IMMP2L: variants seen among roughly 807,000 people sequenced by gnomAD.
The protein encoded by IMMP2L is mitochondrial inner membrane protease subunit 2.
A neutral mutation model predicts 19.3 loss-of-function variants in IMMP2L; 18 were observed. That is an observed-to-expected ratio of 0.93 (90% CI 0.64 to 1.38). The LOEUF is 1.38. Among genes scored for constraint, IMMP2L ranks in the 40% most tolerant of loss-of-function variants. The probability of loss-of-function intolerance (pLI) is 0.00; values close to 1 mark genes in which losing one functional copy is unlikely to be tolerated. For missense variants in IMMP2L, 233 were observed against 218.2 expected (o/e 1.07, Z -0.43); for synonymous variants, 76 against 73.0 (o/e 1.04, Z -0.21).
At chr7:110,800,013 T>C (rs1013527916) in intron 5 of IMMP2L, among the ~76,000 whole-genome samples, 1 of 152,092 alleles carries the variant, frequency 6.6e-6, no homozygotes, top group African/African-American at 2.4e-5. Flanking sequence ...CTTAAAGATT[T>C]GCTAAAATAT....
intron 3 of IMMP2L, among the ~76,000 whole-genome samples, chr7:111,085,796 T>A (rs545147061): frequency 5.6e-4 from 85 of 152,288 alleles, no homozygotes; most frequent in South Asian, 2.7e-3. Context: ...CAAGGAATAC[T>A]ATGCAGCCAT....
intron 1 of IMMP2L, among the ~76,000 whole-genome samples, chr7:111,533,627 T>G (rs573605798): frequency 6.6e-6 from 1 of 152,148 alleles, no homozygotes; most frequent in African/African-American, 2.4e-5. Context: ...ACAAGTTATG[T>G]TGAAACAATT....
intron 1 of IMMP2L, among the ~76,000 whole-genome samples, chr7:111,531,894 G>A (rs981765442): frequency 6.6e-6 from 1 of 151,908 alleles, no homozygotes; most frequent in East Asian, 1.9e-4. Flanking sequence ...ACCAGCATCA[G>A]GAATACTTAC....
chr7:111,377,281 G>A (rs551600819), intron 3 of IMMP2L, among the ~76,000 whole-genome samples: 12 of 151,582 alleles, frequency 7.9e-5, no homozygotes, highest in Admixed American at 1.3e-4. Flanking sequence ...GTGTGTATGC[G>A]TTCATATATA....
At chr7:111,439,643 T>G (rs35007688) in intron 3 of IMMP2L, among the ~76,000 whole-genome samples, 5,112 of 152,080 alleles carry the variant, frequency 0.034, 162 homozygotes, top group Non-Finnish European at 0.05. Context: ...GCTGTGGAAG[T>G]GTCTTGCCTC....
Position 111,213,302 on chromosome 7 carries a change from T to C in IMMP2L, c.240-249737A>G, listed in dbSNP as rs1445517764. ...CCAGCACCCTGCTGCCTCAGCCCCC[T>C]CCAGGCTTTGGGTGCCAATGAGCAT... On this transcript the variant is annotated intron_variant, in intron 3 of 5. Transcript: ENST00000405709. The surrounding 1 kb of genome is among the most constrained non-coding windows in gnomAD (Gnocchi z 4.8). Among the ~76,000 whole-genome samples, 1 of 152,168 alleles carries C rather than the reference T, an allele frequency of 6.6e-6. No homozygotes were observed. Among genetic ancestry groups the C allele is most frequent in the Non-Finnish European group, 1.5e-5 (1 of 68,024 alleles).
intron 3 of IMMP2L, among the ~76,000 whole-genome samples, chr7:111,263,804 C>T (rs1208302384): frequency 6.6e-6 from 1 of 152,058 alleles, no homozygotes; most frequent in Non-Finnish European, 1.5e-5. Context: ...ACTAGGAGCA[C>T]ATGGCTTTAC....
chr7:110,837,451 G>C (rs1424728496), intron 5 of IMMP2L, among the ~76,000 whole-genome samples: 2 of 151,980 alleles, frequency 1.3e-5, no homozygotes, highest in African/African-American at 4.8e-5. Flanking sequence ...GTATGTATGT[G>C]TCTATCTTCA....
intron 5 of IMMP2L, among the ~76,000 whole-genome samples, chr7:110,747,744 T>C (rs960205454): frequency 1.3e-5 from 2 of 152,172 alleles, no homozygotes; most frequent in African/African-American, 4.8e-5. Flanking sequence ...TGATGGAACG[T>C]ATTTCAAAAT....
chr7:111,298,758 CAAA>C (rs36095137), intron 3 of IMMP2L, among the ~76,000 whole-genome samples: 3 of 116,074 alleles, frequency 2.6e-5, no homozygotes, highest in Non-Finnish European at 1.8e-5. Flanking sequence ...GACTCTGCCT[CAAA>C]AAAAAAAAAA....
chr7:111,010,811 T>C (rs187331051), intron 3 of IMMP2L, among the ~76,000 whole-genome samples: 3 of 152,170 alleles, frequency 2.0e-5, no homozygotes, highest in African/African-American at 4.8e-5. Context: ...GTTACAATCA[T>C]AGGTCATGTT....
chr7:110,966,464 A>C lies in IMMP2L; in HGVS notation c.240-2899T>G, dbSNP rs146868170. Among the ~76,000 whole-genome samples the C allele has an allele frequency of 3.1e-3, 467 of 151,816 alleles. 2 individuals are homozygous for C. The highest frequency in any genetic ancestry group is 5.3e-3 in the Non-Finnish European group (362 of 67,932). The stretch of plus-strand genomic sequence containing the variant: ...ATTGAGGTGAGATTAACATTAATGA[A>C]ATAATATAAAAAGCAACACCTATCA... On this transcript the variant is annotated intron_variant, in intron 3 of 5. Coordinates refer to ENST00000405709, the MANE Select transcript of IMMP2L (RefSeq NM_032549.4).
chr7:110,777,389 GT>G (rs1177541179), intron 5 of IMMP2L, among the ~76,000 whole-genome samples: 1 of 151,942 alleles, frequency 6.6e-6, no homozygotes, highest in Non-Finnish European at 1.5e-5. Flanking sequence ...GCAAGATGTA[GT>G]CATCCGGGAC....
chr7:111,184,229 TA>T (rs1273615989), intron 3 of IMMP2L, among the ~76,000 whole-genome samples: 11 of 151,806 alleles, frequency 7.2e-5, no homozygotes, highest in South Asian at 2.1e-4. Context: ...CAAAGAGAAA[TA>T]GGGGGGAAAA....
chr7:110,988,101 A>C (rs1822047517), intron 3 of IMMP2L, among the ~76,000 whole-genome samples: 1 of 152,216 alleles, frequency 6.6e-6, no homozygotes, highest in African/African-American at 2.4e-5. Context: ...GGTAAGATTT[A>C]GGGTTATATG....
intron 3 of IMMP2L, among the ~76,000 whole-genome samples, chr7:111,139,127 G>T (rs1033568138): frequency 2.0e-5 from 3 of 151,812 alleles, no homozygotes; most frequent in African/African-American, 7.3e-5. Context: ...CAAAAAAAAG[G>T]AATAAGCCTG....
intron 3 of IMMP2L, among the ~76,000 whole-genome samples, chr7:111,215,573 C>T (rs575665798): frequency 6.6e-6 from 1 of 152,196 alleles, no homozygotes; most frequent in Admixed American, 6.5e-5. Context: ...TTCTCTCCTT[C>T]CTGAATTTTG....
intron 3 of IMMP2L, among the ~76,000 whole-genome samples, chr7:111,121,739 C>T (rs1800650018): frequency 2.0e-5 from 3 of 152,056 alleles, no homozygotes; most frequent in Non-Finnish European, 4.4e-5. Flanking sequence ...GGTATATACC[C>T]AAAGGACTAA....
intron 5 of IMMP2L, among the ~76,000 whole-genome samples, chr7:110,712,504 C>A (rs988284336): frequency 3.8e-4 from 10 of 26,600 alleles, no homozygotes; most frequent in Middle Eastern, 0.017. Context: ...CCTACAGAGG[C>A]AGGCAGGCCT....
Sources: gnomAD v4.1 joint callset for allele counts (sites outside exome capture counted in the v4.1 genomes callset) on GRCh38, gnomAD v4.1.1 for gene constraint, Gnocchi (gnomAD v3.1) non-coding constraint, MANE v1.5 for transcripts, NCBI Gene and HGNC (gene_info 2026-07-23, HGNC 2026-07-21) for gene names.